Variants in TTC27 observed in about 807,000 individuals in gnomAD.
TTC27 encodes the protein tetratricopeptide repeat protein 27.
Under a neutral mutation model 115.9 loss-of-function variants are expected in TTC27, and 79 were observed. That is an observed-to-expected ratio of 0.68 (90% CI 0.57 to 0.82). The LOEUF (loss-of-function observed/expected upper bound fraction) is 0.82, where lower values mean the gene tolerates loss of function less well. Ranked by LOEUF, TTC27 falls within the 40% of genes least tolerant of loss-of-function variation. The pLI is 0.00. For missense variants in TTC27, 1,054 were observed against 993.1 expected, an observed-to-expected ratio of 1.06 and a Z score of -0.82; for synonymous variants, 401 against 356.0, an observed-to-expected ratio of 1.13 and a Z score of -1.42.
At chr2:32,702,287 A>G (rs1667212888) in intron 9 of TTC27, among the ~76,000 whole-genome samples, 1 of 152,094 alleles carries the variant, frequency 6.6e-6, no homozygotes, top group East Asian at 1.9e-4. Flanking sequence ...GTTGTAAATG[A>G]TCACCGAGAC....
rs1671545862 is a variant in TTC27, at chr2:32,817,537, G to A, written c.2389G>A (p.Gly797Ser). The change falls in exon 19 of 20, where the codon GGC (glycine) becomes AGC (serine). Residue 797 changes from glycine to serine, a missense_variant. Physicochemically the swap from Gly to Ser is moderately conservative, Grantham distance 56. Transcript: ENST00000317907. ...TTCTTCTGTTCGACTCAATTTACGGGGCTTGTTATCTAAAGCAAAGGTGAG... is the reference window on the plus strand; with the variant it reads ...TTCTTCTGTTCGACTCAATTTACGGAGCTTGTTATCTAAAGCAAAGGTGAG... The part of the protein sequence containing the change: ...MLSSVRLNLR[G>S]LLSKAKQLFT... 1 of 1,613,808 alleles carries A rather than the reference G, an allele frequency of 6.2e-7. No homozygotes were observed. Among genetic ancestry groups the A allele is most frequent in the African/African-American group, 1.3e-5 (1 of 74,872 alleles).
At chr2:32,753,497 G>A (rs1669091063) in intron 12 of TTC27, among the ~76,000 whole-genome samples, 2 of 133,110 alleles carry the variant, frequency 1.5e-5, no homozygotes, top group African/African-American at 5.7e-5. Context: ...GAGTGCAGTG[G>A]CTTGATCACA....
At chr2:32,698,690 C>G (rs867773589) in intron 9 of TTC27, among the ~76,000 whole-genome samples, 11 of 151,770 alleles carry the variant, frequency 7.2e-5, no homozygotes, top group Non-Finnish European at 1.5e-4. Flanking sequence ...CCATGTTAGC[C>G]AGGATGGTCT....
rs143279764 is a variant in TTC27 at position 32,727,968 on chromosome 2, C to A, written c.1234-5860C>A. Among the ~76,000 whole-genome samples the A allele has an allele frequency of 9.3e-3, 1,411 of 151,564 alleles. 12 individuals are homozygous for A. Among genetic ancestry groups the A allele is most frequent in the Middle Eastern group, 0.024 (7 of 288 alleles). On this transcript the variant is annotated intron_variant, in intron 10 of 19. Transcript: ENST00000317907. ...CTTGGAAACAGAAGGTTGAACTGCT[C>A]ACCCAAAGTGTGACTGATTAAGGGG...
chr2:32,664,283 T>A lies in TTC27; in HGVS notation c.641-20T>A. 6.3e-7 allele frequency: 1 copy of A among 1,576,952 alleles called. No individual in the cohort carries two copies. Among genetic ancestry groups the A allele is most frequent in the Non-Finnish European group, 8.6e-7 (1 of 1,163,844 alleles). ...TTTCTTCTCATCATAACTTTTAATG[T>A]TTTATCTTTTGTCTTGCAGTGATGA... is the stretch of plus-strand genomic sequence containing the variant. On this transcript the variant is annotated intron_variant, in intron 5 of 19. Coordinates refer to ENST00000317907, the MANE Select transcript of TTC27 (RefSeq NM_017735.5).
chr2:32,783,104 A>G (rs529434980), intron 15 of TTC27, among the ~76,000 whole-genome samples: 156 of 152,330 alleles, frequency 1.0e-3, no homozygotes, highest in African/African-American at 3.7e-3. Flanking sequence ...ATAAAATACT[A>G]CGCCATCTTA....
chr2:32,633,552 G>A (rs1046913504), intron 2 of TTC27, among the ~76,000 whole-genome samples: 1 of 151,948 alleles, frequency 6.6e-6, no homozygotes, highest in African/African-American at 2.4e-5. Context: ...TAGCTGGGAT[G>A]TACCACCATG....
At chr2:32,647,785 C>T (rs998913452) in intron 4 of TTC27, among the ~76,000 whole-genome samples, 40 of 152,190 alleles carry the variant, frequency 2.6e-4, no homozygotes, top group African/African-American at 9.2e-4. Flanking sequence ...CTGCAGTGTG[C>T]TATGATGACT....
rs1011424006 is a variant in TTC27, at chr2:32,630,676, C to G, written c.242C>G (p.Ser81Ter). Reference sequence around the variant, plus strand: ...CAGGTAGTAACATTCCTGGATTACTCAACAGATTTGGACACAACGGAAAGG... The same window carrying G: ...CAGGTAGTAACATTCCTGGATTACTGAACAGATTTGGACACAACGGAAAGG... Reference protein sequence around the residue: ...EKQVVTFLDYSTDLDTTERQQ... With the variant: ...EKQVVTFLDY Residue 81 changes from serine (S) to a stop codon, truncating the protein, a stop_gained, in exon 2 of 20, where the codon TCA (serine) becomes TGA (stop). Transcript: ENST00000317907. LOFTEE classifies it high-confidence loss of function. 1.2e-6 allele frequency: 2 copies of G among 1,611,220 alleles called. No individual in the cohort carries two copies. Among genetic ancestry groups the G allele is most frequent in the Non-Finnish European group, 1.7e-6 (2 of 1,179,212 alleles).
intron 11 of TTC27, 57 bp downstream of exon 11, chr2:32,733,980 G>A: frequency 8.6e-7 from 1 of 1,163,094 alleles, no homozygotes; most frequent in Non-Finnish European, 1.3e-6. Context: ...AAAGGTAAAT[G>A]CATTATAAAT....
At chr2:32,815,958 A>G (rs538232285) in intron 18 of TTC27, among the ~76,000 whole-genome samples, 20 of 152,310 alleles carry the variant, frequency 1.3e-4, no homozygotes, top group African/African-American at 4.8e-4. Context: ...ATATTAATTA[A>G]TGACAGAACT....
intron 16 of TTC27, among the ~76,000 whole-genome samples, chr2:32,802,769 C>G (rs1208505482): frequency 6.6e-6 from 1 of 152,154 alleles, no homozygotes; most frequent in Non-Finnish European, 1.5e-5. Flanking sequence ...AAGTTCAGTC[C>G]TCAATTATTT....
At chr2:32,660,829 A>T (rs1289995255) in intron 5 of TTC27, among the ~76,000 whole-genome samples, 1 of 152,164 alleles carries the variant, frequency 6.6e-6, no homozygotes, top group African/African-American at 2.4e-5. Context: ...TGTTTTAGAC[A>T]TGAAGTCTTT....
At chr2:32,680,324 T>C (rs887186594) in intron 9 of TTC27, among the ~76,000 whole-genome samples, 1 of 152,216 alleles carries the variant, frequency 6.6e-6, no homozygotes, top group African/African-American at 2.4e-5. Context: ...CTAATATATA[T>C]CTACTAAATA....
intron 13 of TTC27, among the ~76,000 whole-genome samples, chr2:32,765,971 T>G (rs1009215400): frequency 1.8e-4 from 28 of 152,186 alleles, no homozygotes; most frequent in African/African-American, 6.0e-4. Context: ...ACTCAGACTT[T>G]CCCCGTATCA....
intron 2 of TTC27, among the ~76,000 whole-genome samples, chr2:32,632,304 C>T (rs75898975): frequency 0.026 from 4,009 of 151,978 alleles, 111 homozygotes; most frequent in African/African-American, 0.073. Flanking sequence ...TCACTCCGCC[C>T]GGCTGGATTC....
intron 9 of TTC27, among the ~76,000 whole-genome samples, chr2:32,697,191 C>A (rs79835214): frequency 9.4e-4 from 132 of 140,626 alleles, no homozygotes; most frequent in South Asian, 1.3e-3. Context: ...GACCCTGTCT[C>A]AAAAAAAAAA....
intron 5 of TTC27, among the ~76,000 whole-genome samples, chr2:32,653,305 C>G (rs553679292): frequency 2.6e-5 from 4 of 151,926 alleles, no homozygotes; most frequent in African/African-American, 9.7e-5. Context: ...AAAGAGTGTT[C>G]AAAAAAACAG....
In TTC27 at chr2:32,702,871, T is replaced by C. The variant is rs747365045; in HGVS notation, c.1184T>C (p.Leu395Pro). 1.9e-6 allele frequency: 3 copies of C among 1,614,098 alleles called. No homozygotes were observed. Among genetic ancestry groups the C allele is most frequent in the South Asian group, 2.2e-5 (2 of 91,074 alleles). Residue 395 changes from leucine (L) to proline (P), a missense_variant, in exon 10 of 20, where the codon CTT (leucine) becomes CCT (proline). Physicochemically the swap from Leu to Pro is moderately conservative, Grantham distance 98 (BLOSUM62 -3). Coordinates refer to ENST00000317907, the MANE Select transcript of TTC27 (RefSeq NM_017735.5). ...TCAGCCTTGATCCTCCGGACAAAAC[T>C]TGAGAAAGGAAGTACTCGCCGAGTG... is the stretch of plus-strand genomic sequence containing the variant. ...QTSALILRTK[L>P]EKGSTRRVER...
Sources: gnomAD v4.1 joint callset for allele counts (sites outside exome capture counted in the v4.1 genomes callset) on GRCh38, gnomAD v4.1.1 for gene constraint, MANE v1.5 for transcripts, NCBI Gene and HGNC (gene_info 2026-07-23, HGNC 2026-07-21) for gene names.